The following CYP51A1 variants were observed in gnomAD, a reference collection of about 807,000 sequenced individuals.
The protein encoded by CYP51A1 is cytochrome P450 family 51 subfamily A member 1, also known as lanosterol 14-alpha demethylase.
In CYP51A1, 45 loss-of-function variants were observed where a neutral mutation model predicts 53.5. The ratio of observed to expected loss-of-function variants is 0.84; its 90% CI spans 0.66 to 1.08. The LOEUF is 1.08. Ranked by LOEUF, CYP51A1 falls within the 50% of genes least tolerant of loss-of-function variation. The probability of loss-of-function intolerance (pLI) is 0.00; values close to 1 mark genes in which losing one functional copy is unlikely to be tolerated. For synonymous variants in CYP51A1, 181 were observed against 217.7 expected (o/e 0.83, Z 1.48); for missense variants, 462 against 621.7 (o/e 0.74, Z 2.73).
intron 7 of CYP51A1, among the ~76,000 whole-genome samples, chr7:92,122,669 C>A (rs1819715140): frequency 6.6e-6 from 1 of 152,188 alleles, no homozygotes; most frequent in Non-Finnish European, 1.5e-5. Context: ...CTCTTCCTTT[C>A]CACCCAGCAA....
intron 8 of CYP51A1, 63 bp from the exon 9 acceptor site, chr7:92,117,275 C>A: frequency 7.0e-7 from 1 of 1,432,638 alleles, no homozygotes; most frequent in South Asian, 1.2e-5. Flanking sequence ...ATAATCAGAT[C>A]ATTGTGTAAT....
intron 3 of CYP51A1, among the ~76,000 whole-genome samples, chr7:92,128,049 T>G (rs1050980425): frequency 2.0e-5 from 3 of 152,254 alleles, no homozygotes; most frequent in African/African-American, 7.2e-5. Context: ...CGTATTTGGC[T>G]TTTGAGGGTA....
At chr7:92,120,521 C>T (rs927434411) in intron 7 of CYP51A1, among the ~76,000 whole-genome samples, 21 of 152,170 alleles carry the variant, frequency 1.4e-4, no homozygotes, top group Non-Finnish European at 7.4e-5. Flanking sequence ...GTCCTGAGCT[C>T]AAGCGACCTT....
intron 7 of CYP51A1, among the ~76,000 whole-genome samples, chr7:92,121,228 G>A (rs555669675): frequency 2.6e-3 from 400 of 151,408 alleles, no homozygotes; most frequent in Non-Finnish European, 4.2e-3. Flanking sequence ...GTTGCAGTAA[G>A]CCAAGGTCGC....
chr7:92,119,341 T>C (rs1317341335), intron 7 of CYP51A1, among the ~76,000 whole-genome samples: 1 of 152,196 alleles, frequency 6.6e-6, no homozygotes, highest in Non-Finnish European at 1.5e-5. Flanking sequence ...TAAGAGGCTG[T>C]AATCTTTTAC....
In CYP51A1 at chr7:92,134,262, T is replaced by C; in HGVS notation, c.103A>G (p.Met35Val). 1 of 1,613,340 alleles carries C rather than the reference T, an allele frequency of 6.2e-7. No homozygotes were observed. The highest frequency in any genetic ancestry group is 1.7e-5 in the Admixed American group (1 of 59,978). Residue 35 changes from methionine to valine, a missense_variant, in exon 1 of 10, where the codon ATG becomes GTG. By Grantham distance (21) the Met-to-Val change is conservative. Coordinates refer to ENST00000003100, the MANE Select transcript of CYP51A1 (RefSeq NM_000786.4). ...GTGAAGGCGCAGGCGATCAGCAGCATGGACAAGAGGTTGCCGCCTGTCACC... is the reference window on the plus strand; with the variant it reads ...GTGAAGGCGCAGGCGATCAGCAGCACGGACAAGAGGTTGCCGCCTGTCACC... ...EKVTGGNLLS[M>V]LLIACAFTLS...
intron 5 of CYP51A1, among the ~76,000 whole-genome samples, chr7:92,124,793 A>G (rs1035206413): frequency 4.6e-5 from 7 of 152,234 alleles, no homozygotes; most frequent in African/African-American, 1.7e-4. Flanking sequence ...AGGGCCTAAC[A>G]TAGCAAGCTC....
chr7:92,123,383 TAA>T (rs1322501933), intron 6 of CYP51A1, 68 bp from the exon 7 acceptor site: 72 of 1,254,820 alleles, frequency 5.7e-5, no homozygotes, highest in Non-Finnish European at 6.8e-5. Flanking sequence ...AACCTTTAAA[TAA>T]AGTGTCATAA....
Position 92,117,095 on chromosome 7 carries a change from G to C in CYP51A1, c.1300C>G (p.Gln434Glu), listed in dbSNP as rs145599211. The C allele has an allele frequency of 1.3e-5, 21 of 1,613,958 alleles. No individual in the cohort carries two copies. The African/African-American group carries it at 2.4e-4, about 18-fold the overall frequency. Residue 434 changes from glutamine to glutamate, a missense_variant, in exon 9 of 10, where the codon CAG becomes GAG. Transcript: ENST00000003100. ...TTTTCCCCTGATGCTGGGTTATCCT[G>C]TAAGTAGCGATCAGGATTAAAGTCC... is the stretch of plus-strand genomic sequence containing the variant. The part of the protein sequence containing the change: ...RLDFNPDRYL[Q>E]DNPASGEKFA...
chr7:92,119,377 A>T (rs1221681950), intron 7 of CYP51A1, among the ~76,000 whole-genome samples: 1 of 152,210 alleles, frequency 6.6e-6, no homozygotes, highest in Non-Finnish European at 1.5e-5. Flanking sequence ...ACACACAGGT[A>T]GTGAAGGCAG....
At position 92,113,844 on chromosome 7, in the gene CYP51A1, C is replaced by A; in HGVS notation, c.1352-1G>T. ...TTTTCCCCAATACAACGATGACGCC[C>A]TAAAAAAAAGAAAAAGTTATAAGAA... is the stretch of plus-strand genomic sequence containing the variant. On this transcript the variant is annotated splice_acceptor_variant, in intron 9 of 9. Coordinates refer to ENST00000003100, the MANE Select transcript of CYP51A1 (RefSeq NM_000786.4). LOFTEE classifies it high-confidence loss of function. 2 of 1,571,950 alleles carry A rather than the reference C, an allele frequency of 1.3e-6. No homozygotes were observed. The highest frequency in any genetic ancestry group is 2.3e-5 in the East Asian group (1 of 44,248).
chr7:92,126,949 T>C (rs1307692947), intron 4 of CYP51A1, among the ~76,000 whole-genome samples: 2 of 152,298 alleles, frequency 1.3e-5, no homozygotes, highest in East Asian at 3.9e-4. Context: ...CTAATAAAAA[T>C]TATCCAATTA....
intron 9 of CYP51A1, among the ~76,000 whole-genome samples, chr7:92,116,088 A>G (rs1819575331): frequency 6.6e-6 from 1 of 152,204 alleles, no homozygotes; most frequent in Non-Finnish European, 1.5e-5. Flanking sequence ...CCTGGCCAAC[A>G]TGGCAAAACC....
chr7:92,120,974 T>G (rs921606668), intron 7 of CYP51A1, among the ~76,000 whole-genome samples: 3 of 152,072 alleles, frequency 2.0e-5, no homozygotes, highest in Non-Finnish European at 2.9e-5. Flanking sequence ...ACATCACTAG[T>G]CACCAGGGAA....
chr7:92,125,263 G>T (rs1563180063), intron 5 of CYP51A1, among the ~76,000 whole-genome samples: 1 of 151,936 alleles, frequency 6.6e-6, no homozygotes, highest in Non-Finnish European at 1.5e-5. Flanking sequence ...AAAGCTCCTT[G>T]CAAATATAAG....
At chr7:92,125,144 C>CAAAAAAAAAA (rs1232943204) in intron 5 of CYP51A1, among the ~76,000 whole-genome samples, 1 of 67,140 alleles carries the variant, frequency 1.5e-5, no homozygotes, top group Non-Finnish European at 3.3e-5. Flanking sequence ...ACTCCATCAC[C>CAAAAAAAAAA]AAAAAAAAAA....
chr7:92,122,319 A>G (rs940035734), intron 7 of CYP51A1, among the ~76,000 whole-genome samples: 2 of 151,628 alleles, frequency 1.3e-5, no homozygotes, highest in South Asian at 4.2e-4. Context: ...CAAAAATTAG[A>G]AGAAAAAAAG....
intron 1 of CYP51A1, 70 bp downstream of exon 1, chr7:92,134,103 G>T: frequency 1.3e-6 from 2 of 1,496,342 alleles, no homozygotes; most frequent in Non-Finnish European, 1.8e-6. Context: ...CCACGGAGCC[G>T]CCCACGCCAG....
At chr7:92,132,398 CA>C (rs1819941254) in intron 1 of CYP51A1, among the ~76,000 whole-genome samples, 1 of 152,124 alleles carries the variant, frequency 6.6e-6, no homozygotes, top group Non-Finnish European at 1.5e-5. Flanking sequence ...ATACCCAATA[CA>C]ATGTAAAGGC....
Sources: allele counts gnomAD v4.1 joint callset (sites outside exome capture counted in the v4.1 genomes callset), GRCh38; gene constraint gnomAD v4.1.1; transcripts MANE v1.5; gene names NCBI Gene and HGNC (gene_info 2026-07-23, HGNC 2026-07-21).